The following NRXN3 variants were observed in gnomAD, a reference collection of about 807,000 sequenced individuals.
The protein encoded by NRXN3 is neurexin III.
NRXN3 carries 32 observed loss-of-function variants against 137.6 expected under a neutral mutation model. That is an observed-to-expected ratio of 0.23 (90% CI 0.18 to 0.31). NRXN3 has a LOEUF of 0.31. NRXN3 is among the 10% of genes least tolerant of loss of function. NRXN3 has a pLI of 1.00. For missense variants in NRXN3, 1,574 were observed against 2,062.5 expected (o/e 0.76, Z 4.59); for synonymous variants, 798 against 784.5 (o/e 1.02, Z -0.29).
At chr14:78,337,715 C>G (rs2081637371) in intron 4 of NRXN3, among the ~76,000 whole-genome samples, 1 of 152,104 alleles carries the variant, frequency 6.6e-6, no homozygotes, top group South Asian at 2.1e-4. Flanking sequence ...CTCAAACATC[C>G]TAATTATTTC....
intron 2 of NRXN3, among the ~76,000 whole-genome samples, chr14:78,262,236 T>C (rs561623655): frequency 4.3e-4 from 66 of 152,154 alleles, no homozygotes; most frequent in South Asian, 2.1e-4. Context: ...GCTTGGAGTA[T>C]GGTTGATGGG....
At chr14:79,790,091 G>A (rs1367933981) in intron 19 of NRXN3, among the ~76,000 whole-genome samples, 3 of 152,112 alleles carry the variant, frequency 2.0e-5, no homozygotes, top group African/African-American at 7.2e-5. Context: ...TGTCCCTTAT[G>A]TGTTAGTCTA....
At chr14:78,334,986 G>A (rs1173775961) in intron 4 of NRXN3, among the ~76,000 whole-genome samples, 7 of 152,162 alleles carry the variant, frequency 4.6e-5, no homozygotes, top group African/African-American at 1.4e-4. Context: ...GGAATGGGGA[G>A]GTGGATTGAA....
At chr14:79,521,543 A>G (rs887849798) in intron 16 of NRXN3, among the ~76,000 whole-genome samples, 1 of 152,158 alleles carries the variant, frequency 6.6e-6, no homozygotes, top group African/African-American at 2.4e-5. Context: ...GCTCTTTACT[A>G]TGAGCAGTGA....
intron 12 of NRXN3, 88 bp downstream of exon 12, chr14:78,966,494 T>G: frequency 7.4e-7 from 1 of 1,356,698 alleles, no homozygotes; most frequent in Non-Finnish European, 1.0e-6. Context: ...AACTTGTCTA[T>G]TCTACTCCCT....
At chr14:78,750,437 C>G (rs2098635602) in intron 8 of NRXN3, among the ~76,000 whole-genome samples, 1 of 152,070 alleles carries the variant, frequency 6.6e-6, no homozygotes, top group South Asian at 2.1e-4. Flanking sequence ...GGAGGAAAGA[C>G]AGCCAAATTG....
At chr14:79,000,421 G>A (rs915577456) in intron 15 of NRXN3, among the ~76,000 whole-genome samples, 2 of 152,154 alleles carry the variant, frequency 1.3e-5, no homozygotes, top group Non-Finnish European at 2.9e-5. Context: ...TGTAATTTCT[G>A]TAAAGGTAAG....
chr14:79,122,301 C>T (rs1009754749), intron 15 of NRXN3, among the ~76,000 whole-genome samples: 11 of 152,186 alleles, frequency 7.2e-5, no homozygotes, highest in African/African-American at 2.4e-4. Flanking sequence ...TATCCCTACA[C>T]ATCACTGCAG....
At chr14:79,735,210 G>T (rs923477518) in intron 19 of NRXN3, among the ~76,000 whole-genome samples, 1 of 152,026 alleles carries the variant, frequency 6.6e-6, no homozygotes, top group Non-Finnish European at 1.5e-5. Flanking sequence ...CAGGACCTTG[G>T]GCTTAAAGGC....
intron 19 of NRXN3, among the ~76,000 whole-genome samples, chr14:79,796,226 T>G (rs942340243): frequency 1.3e-5 from 2 of 152,208 alleles, no homozygotes; most frequent in Non-Finnish European, 2.9e-5. Flanking sequence ...TTTATTTATT[T>G]TATTTTTCTG....
At chr14:79,792,454 T>C (rs2099148251) in intron 19 of NRXN3, among the ~76,000 whole-genome samples, 1 of 152,222 alleles carries the variant, frequency 6.6e-6, no homozygotes, top group African/African-American at 2.4e-5. Flanking sequence ...TATTTAGTTA[T>C]TTTTTGCTCA....
At chr14:79,758,067 G>GT (rs2099025827) in intron 19 of NRXN3, among the ~76,000 whole-genome samples, 2 of 152,068 alleles carry the variant, frequency 1.3e-5, no homozygotes, top group African/African-American at 4.8e-5. Flanking sequence ...GTTTATTTTT[G>GT]TTTTTTACAG....
intron 4 of NRXN3, among the ~76,000 whole-genome samples, chr14:78,417,589 C>T (rs1391316272): frequency 6.6e-6 from 1 of 152,156 alleles, no homozygotes; most frequent in Non-Finnish European, 1.5e-5. Flanking sequence ...CCCAAGAAAC[C>T]AGCACAATAA....
intron 16 of NRXN3, among the ~76,000 whole-genome samples, chr14:79,470,658 G>T (rs2096487953): frequency 6.6e-6 from 1 of 152,168 alleles, no homozygotes; most frequent in African/African-American, 2.4e-5. Flanking sequence ...GATAAGGGAA[G>T]AGGACAGGGC....
At position 79,567,878 on chromosome 14, in the gene NRXN3, C is replaced by T. The variant is rs532846480; in HGVS notation, c.3445-95900C>T. On this transcript the variant is annotated intron_variant, in intron 16 of 20. Coordinates refer to ENST00000335750, the MANE Select transcript of NRXN3 (RefSeq NM_001330195.2). ...AACACTCACTATAAGATAGTGTCAA[C>T]TCAGAGGTGAATCACAGATAGACCA... Among the ~76,000 whole-genome samples the T allele has an allele frequency of 3.9e-5, 6 of 152,212 alleles. 1 individual carries two copies. The South Asian group carries it at 1.2e-3, about 32-fold the overall frequency.
intron 10 of NRXN3, among the ~76,000 whole-genome samples, chr14:78,818,379 A>T (rs554523594): frequency 3.9e-5 from 6 of 152,234 alleles, no homozygotes; most frequent in African/African-American, 1.4e-4. Context: ...ACCTTAATTT[A>T]TTATTTATAC....
At chr14:78,862,939 T>G (rs1020527989) in intron 10 of NRXN3, among the ~76,000 whole-genome samples, 1 of 152,198 alleles carries the variant, frequency 6.6e-6, no homozygotes, top group Non-Finnish European at 1.5e-5. Context: ...TCTGGATTAA[T>G]GCTTATATGA....
intron 10 of NRXN3, among the ~76,000 whole-genome samples, chr14:78,896,867 G>C (rs1245218996): frequency 6.6e-6 from 1 of 151,912 alleles, no homozygotes; most frequent in Non-Finnish European, 1.5e-5. Context: ...GTAGAACATA[G>C]TTAGAAAAGT....
At chr14:78,936,221 G>T (rs1392605350) in intron 10 of NRXN3, among the ~76,000 whole-genome samples, 1 of 152,048 alleles carries the variant, frequency 6.6e-6, no homozygotes, top group Non-Finnish European at 1.5e-5. Context: ...CTGGCTATTG[G>T]TTATATTTTG....
Sources: allele counts gnomAD v4.1 joint callset (sites outside exome capture counted in the v4.1 genomes callset), GRCh38; gene constraint gnomAD v4.1.1; transcripts MANE v1.5; gene names NCBI Gene and HGNC (gene_info 2026-07-23, HGNC 2026-07-21).